MED23: variants seen among roughly 807,000 people sequenced by gnomAD.
MED23 encodes mediator of RNA polymerase II transcription subunit 23.
MED23 carries 105 observed loss-of-function variants against 163.9 expected under a neutral mutation model. That is an observed-to-expected ratio of 0.64 (90% CI 0.55 to 0.75). The LOEUF is 0.75. Among genes scored for constraint, MED23 ranks in the 30% least tolerant of loss-of-function variants. MED23 has a pLI of 0.00. For synonymous variants in MED23, 561 were observed against 565.6 expected, an observed-to-expected ratio of 0.99 and a Z score of 0.12; for missense variants, 1,054 against 1,649.0, an observed-to-expected ratio of 0.64 and a Z score of 6.25.
intron 17 of MED23, among the ~76,000 whole-genome samples, chr6:131,600,578 G>A (rs981288724): frequency 6.6e-6 from 1 of 152,216 alleles, no homozygotes; most frequent in Non-Finnish European, 1.5e-5. Flanking sequence ...CAGAATTGAA[G>A]AGGGTTCTTT....
intron 3 of MED23, among the ~76,000 whole-genome samples, chr6:131,626,122 C>CAAAAA (rs138561737): frequency 1.0e-4 from 6 of 59,534 alleles, no homozygotes; most frequent in Admixed American, 1.9e-4. Context: ...ACTCTGTCTC[C>CAAAAA]AAAAAAAAAA....
chr6:131,593,151 CAGG>C lies in MED23; in HGVS notation c.3250_3252del (p.Pro1084del), dbSNP rs752988543. 2.9e-5 allele frequency: 46 copies of C among 1,614,006 alleles called. No homozygotes were observed. The highest frequency in any genetic ancestry group is 2.7e-4 in the Admixed American group (16 of 59,996). On this transcript the variant is annotated inframe_deletion, in exon 24 of 29. Coordinates refer to ENST00000368068, the MANE Select transcript of MED23 (RefSeq NM_004830.4). ...CTCCAGTCACAGTTTGGAAAGGGACCAGGAGATTTGCCAGCCATCGGTGCACAC... is the reference window on the plus strand; with the variant it reads ...CTCCAGTCACAGTTTGGAAAGGGACCAGATTTGCCAGCCATCGGTGCACAC...
chr6:131,582,637 G>C (rs201484132), downstream of MED23: 79 of 1,613,664 alleles, frequency 4.9e-5, no homozygotes, highest in Non-Finnish European at 1.2e-5. Context: ...GATGTGCCAG[G>C]ATTCTCCTGG....
At chr6:131,600,903 A>C (rs1050828757) in intron 17 of MED23, among the ~76,000 whole-genome samples, 1 of 152,246 alleles carries the variant, frequency 6.6e-6, no homozygotes, top group Non-Finnish European at 1.5e-5. Flanking sequence ...GCCAGTGTCA[A>C]TCTCGACACC....
chr6:131,611,293 T>C (rs1235824503), intron 10 of MED23, among the ~76,000 whole-genome samples: 1 of 152,220 alleles, frequency 6.6e-6, no homozygotes, highest in Non-Finnish European at 1.5e-5. Context: ...TCCCCTCTTT[T>C]GCATGCTCTT....
At chr6:131,622,178 A>AG (rs2114766033) in intron 5 of MED23, among the ~76,000 whole-genome samples, 199 bp from the exon 6 acceptor site, 1 of 152,350 alleles carries the variant, frequency 6.6e-6, no homozygotes, top group African/African-American at 2.4e-5. Flanking sequence ...GTCTTAAAAT[A>AG]CAATGAGCAA....
intron 24 of MED23, 34 bp downstream of exon 24, chr6:131,592,969 AAAC>A: frequency 6.2e-7 from 1 of 1,611,926 alleles, no homozygotes; most frequent in Admixed American, 1.7e-5. Context: ...ATTTACAAAT[AAAC>A]AACAAATCTT....
intron 17 of MED23, 61 bp from the exon 18 acceptor site, chr6:131,600,223 G>T: frequency 6.9e-7 from 1 of 1,453,292 alleles, no homozygotes; most frequent in Non-Finnish European, 9.6e-7. Flanking sequence ...ATTCATAAAA[G>T]ATTATAGCGA....
At chr6:131,604,507 C>T (rs1585510052) in intron 14 of MED23, among the ~76,000 whole-genome samples, 187 bp from the exon 15 acceptor site, 2 of 152,192 alleles carry the variant, frequency 1.3e-5, no homozygotes, top group Middle Eastern at 3.4e-3. Context: ...AGACTCATTC[C>T]GTTTCTGTGG....
chr6:131,586,856 TG>T lies in MED23; in HGVS notation c.*822del, dbSNP rs1774214593. 4 of 1,474,798 alleles carry T rather than the reference TG, an allele frequency of 2.7e-6. No homozygotes were observed. In the African/African-American group the frequency reaches 4.2e-5, roughly 16 times the overall value. 91.4% of individuals were successfully genotyped at this position (1,474,798 alleles called of 1,614,324 possible). A position where few individuals can be genotyped will look rare whatever the true frequency, so the allele number is the denominator to read the frequency against. On this transcript the variant is annotated 3_prime_UTR_variant, in exon 29 of 29. Coordinates refer to ENST00000368068, the MANE Select transcript of MED23 (RefSeq NM_004830.4). ...AAAATCCAAGAAATAAAATGTGTAC[TG>T]TATTTACAAATATAAAATTTAAAAA...
Position 131,614,423 on chromosome 6 carries a change from C to T in MED23, c.876+1484G>A, listed in dbSNP as rs186232880. On this transcript the variant is annotated intron_variant, in intron 10 of 28. Coordinates refer to ENST00000368068, the MANE Select transcript of MED23 (RefSeq NM_004830.4). ...CTATTTTATATAACCTAGACAAGAA[C>T]GTCTTTTTAAAATCAAAAAGCTGGT... 1.3e-4 allele frequency among the ~76,000 whole-genome samples: 20 copies of T among 152,198 alleles called. No homozygotes were observed. In the East Asian group the frequency reaches 2.1e-3, roughly 16 times the overall value.
chr6:131,601,987 C>G (rs1256465099), intron 17 of MED23, among the ~76,000 whole-genome samples: 2 of 152,006 alleles, frequency 1.3e-5, no homozygotes, highest in African/African-American at 2.4e-5. Flanking sequence ...TAAAGTATTA[C>G]TACTTTAAAA....
chr6:131,576,795 A>C, intron 30 of MED23: 1 of 1,463,210 alleles, frequency 6.8e-7, no homozygotes, highest in Non-Finnish European at 9.6e-7. Flanking sequence ...AGGAAAGAGC[A>C]GGCCCCTGTG....
At chr6:131,612,944 T>C (rs1385615504) in intron 10 of MED23, among the ~76,000 whole-genome samples, 1 of 152,140 alleles carries the variant, frequency 6.6e-6, no homozygotes, top group Non-Finnish European at 1.5e-5. Flanking sequence ...TAACATACTG[T>C]ACTTAGGTGA....
At position 131,580,645 on chromosome 6, in the gene MED23, T is replaced by C. The variant is rs565662481; in HGVS notation, c.4096-6350A>G. Among the ~76,000 whole-genome samples the C allele has an allele frequency of 2.6e-5, 4 of 152,306 alleles. No homozygotes were observed. In the South Asian group the frequency reaches 8.3e-4, roughly 32 times the overall value. On this transcript the variant is annotated intron_variant, in intron 30 of 30. Transcript: ENST00000354577. ...TATTTGGGATGAACTTTGTTCCTGG[T>C]TGAGTGGGTAACTAGATGCATTGAA... is the stretch of plus-strand genomic sequence containing the variant.
chr6:131,621,831 C>T (rs1585567504), intron 6 of MED23, 50 bp downstream of exon 6: 7 of 1,304,290 alleles, frequency 5.4e-6, no homozygotes, highest in Non-Finnish European at 7.6e-6. Flanking sequence ...CTAAACAAAG[C>T]TAGACTTTTT....
intron 10 of MED23, among the ~76,000 whole-genome samples, chr6:131,610,498 A>G (rs1478295154): frequency 1.3e-5 from 2 of 152,184 alleles, no homozygotes; most frequent in African/African-American, 4.8e-5. Context: ...TCCACTATGG[A>G]CATCATTGTT....
rs1777658700 is a variant in MED23 at position 131,628,151 on chromosome 6, C to T, written c.-102G>A. ...GAGGGGCGGAGACCTCTGGAGGAAA[C>T]CGTAGCTCCTCGGCGTCGCTTCCTC... On this transcript the variant is annotated 5_prime_UTR_variant, in exon 1 of 29. Transcript: ENST00000368068. 3 of 1,377,374 alleles carry T rather than the reference C, an allele frequency of 2.2e-6. No individual in the cohort carries two copies. The highest frequency in any genetic ancestry group is 3.1e-6 in the Non-Finnish European group (3 of 972,882). The allele number at this position is 1,377,374 out of a possible 1,614,324, so 85.3% of individuals were successfully genotyped here. A position where few individuals can be genotyped will look rare whatever the true frequency, so the allele number is the denominator to read the frequency against.
downstream of MED23, chr6:131,582,528 A>G (rs562828400): frequency 3.3e-6 from 3 of 913,358 alleles, no homozygotes; most frequent in Admixed American, 3.6e-5. Flanking sequence ...TCTAAATATA[A>G]GATATACGCA....
Sources: allele counts gnomAD v4.1 joint callset (sites outside exome capture counted in the v4.1 genomes callset), GRCh38; gene constraint gnomAD v4.1.1; transcripts MANE v1.5; gene names NCBI Gene and HGNC (gene_info 2026-07-23, HGNC 2026-07-21).